The following MAML2 variants were observed in gnomAD, a reference collection of about 807,000 sequenced individuals.
MAML2 encodes the protein mastermind like transcriptional coactivator 2, also known as mastermind-like protein 2.
Under a neutral mutation model 96.1 loss-of-function variants are expected in MAML2, and 22 were observed. The observed-to-expected ratio is 0.23, with a 90% confidence interval of 0.16 to 0.33. MAML2 has a LOEUF of 0.33. MAML2 is among the 10% of genes least tolerant of loss of function. MAML2 has a pLI of 1.00. For synonymous variants in MAML2, 561 were observed against 521.3 expected (o/e 1.08, Z -1.04); for missense variants, 1,367 against 1,392.4 (o/e 0.98, Z 0.29).
intron 1 of MAML2, among the ~76,000 whole-genome samples, chr11:96,261,255 C>T (rs573160295): frequency 6.6e-5 from 10 of 152,196 alleles, no homozygotes; most frequent in South Asian, 4.2e-4. Context: ...CAGCCCCCTC[C>T]GCCACGTGAT....
intron 1 of MAML2, among the ~76,000 whole-genome samples, chr11:96,300,932 G>T (rs1283169601): frequency 1.8e-4 from 27 of 152,158 alleles, no homozygotes. Flanking sequence ...CTATGCCTCA[G>T]TTTCCTTTTC....
intron 2 of MAML2, among the ~76,000 whole-genome samples, chr11:96,058,311 T>TTTG (rs1555002845): frequency 3.1e-5 from 4 of 127,424 alleles, no homozygotes; most frequent in African/African-American, 8.7e-5. Context: ...TGTTTGTTTG[T>TTTG]TTTGTTTTGC....
chr11:96,110,488 A>G (rs1860099945), intron 1 of MAML2, among the ~76,000 whole-genome samples: 1 of 152,192 alleles, frequency 6.6e-6, no homozygotes, highest in Non-Finnish European at 1.5e-5. Flanking sequence ...CCTTGTTCAA[A>G]TACTAGGTGG....
At chr11:96,307,637 A>G (rs1389279613) in intron 1 of MAML2, among the ~76,000 whole-genome samples, 1 of 152,152 alleles carries the variant, frequency 6.6e-6, no homozygotes, top group Non-Finnish European at 1.5e-5. Flanking sequence ...CAAGGGAATG[A>G]TCATTCTGCT....
intron 1 of MAML2, among the ~76,000 whole-genome samples, chr11:96,276,414 A>T (rs1336911403): frequency 2.6e-5 from 4 of 152,190 alleles, no homozygotes; most frequent in Non-Finnish European, 5.9e-5. Context: ...TCAGTGCCCA[A>T]CACATTTTAA....
intron 1 of MAML2, among the ~76,000 whole-genome samples, chr11:96,241,808 G>A (rs116772791): frequency 0.016 from 2,389 of 152,238 alleles, 63 homozygotes; most frequent in East Asian, 0.048. Context: ...GGAAGTTTTC[G>A]AAATTCTAGT....
intron 1 of MAML2, among the ~76,000 whole-genome samples, chr11:96,178,350 A>G (rs935123591): frequency 1.3e-5 from 2 of 152,172 alleles, no homozygotes; most frequent in Admixed American, 1.3e-4. Context: ...GGCGCACAGC[A>G]TCTGACTGAG....
At chr11:96,045,046 T>C (rs1590979040) in intron 2 of MAML2, among the ~76,000 whole-genome samples, 1 of 150,146 alleles carries the variant, frequency 6.7e-6, no homozygotes, top group East Asian at 2.0e-4. Context: ...CTGAAATATA[T>C]CCATCCTGCA....
intron 2 of MAML2, among the ~76,000 whole-genome samples, chr11:96,045,887 A>C (rs1858890248): frequency 6.9e-6 from 1 of 144,606 alleles, no homozygotes; most frequent in Non-Finnish European, 1.5e-5. Flanking sequence ...TTTTTCTCCC[A>C]GTCAGCACAC....
chr11:96,216,145 T>C (rs1298862611), intron 1 of MAML2, among the ~76,000 whole-genome samples: 2 of 152,184 alleles, frequency 1.3e-5, no homozygotes, highest in East Asian at 1.9e-4. Flanking sequence ...TAATCTCTTT[T>C]AGGCATGCTT....
chr11:96,234,459 A>C (rs560954), intron 1 of MAML2, among the ~76,000 whole-genome samples: 134,020 of 152,158 alleles, frequency 0.88, 59,226 homozygotes, highest in Middle Eastern at 0.94. Context: ...CCAGCCTGGG[A>C]AACAATAGCA....
At chr11:96,117,161 A>C (rs1464877505) in intron 1 of MAML2, among the ~76,000 whole-genome samples, 1 of 152,302 alleles carries the variant, frequency 6.6e-6, no homozygotes, top group African/African-American at 2.4e-5. Flanking sequence ...GCAGAAAGGA[A>C]ATAAAAAAAA....
At chr11:96,077,209 C>A (rs1163549742) in intron 2 of MAML2, among the ~76,000 whole-genome samples, 1 of 95,812 alleles carries the variant, frequency 1.0e-5, no homozygotes, top group South Asian at 3.5e-4. Flanking sequence ...TTTACCCCAA[C>A]TCTCTCTCTC....
intron 1 of MAML2, among the ~76,000 whole-genome samples, chr11:96,319,087 T>C (rs1004219417): frequency 6.6e-6 from 1 of 152,238 alleles, no homozygotes; most frequent in Admixed American, 6.5e-5. Flanking sequence ...ATCTCTCTCT[T>C]GGATCACTGT....
chr11:96,298,528 C>T (rs1565276933), intron 1 of MAML2, among the ~76,000 whole-genome samples: 1 of 151,972 alleles, frequency 6.6e-6, no homozygotes, highest in Non-Finnish European at 1.5e-5. Context: ...TTGTGAGGTA[C>T]ATGAGACAAG....
chr11:95,999,789 G>C (rs898339215), intron 2 of MAML2, among the ~76,000 whole-genome samples: 22 of 151,964 alleles, frequency 1.4e-4, no homozygotes, highest in African/African-American at 5.3e-4. Flanking sequence ...CTAGGCATCC[G>C]CAATTTGCAA....
At chr11:96,145,483 A>T (rs1860801276) in intron 1 of MAML2, among the ~76,000 whole-genome samples, 1 of 152,202 alleles carries the variant, frequency 6.6e-6, no homozygotes, top group African/African-American at 2.4e-5. Context: ...TGCCTTGTGA[A>T]TTTTTAGGGA....
At chr11:96,127,464 C>T (rs939928298) in intron 1 of MAML2, among the ~76,000 whole-genome samples, 1 of 152,164 alleles carries the variant, frequency 6.6e-6, no homozygotes, top group Non-Finnish European at 1.5e-5. Context: ...ATCTCTCCAT[C>T]AAGGTCAACT....
At chr11:96,099,380 A>G (rs1407932876) in intron 1 of MAML2, among the ~76,000 whole-genome samples, 2 of 152,112 alleles carry the variant, frequency 1.3e-5, no homozygotes, top group Non-Finnish European at 1.5e-5. Context: ...CCTAGCACAA[A>G]ATAGGTTTGT....
Sources: gnomAD v4.1 joint callset for allele counts (sites outside exome capture counted in the v4.1 genomes callset) on GRCh38, gnomAD v4.1.1 for gene constraint, MANE v1.5 for transcripts, NCBI Gene and HGNC (gene_info 2026-07-23, HGNC 2026-07-21) for gene names.